LRRTM4: variants seen among roughly 807,000 people sequenced by gnomAD.
LRRTM4 encodes leucine-rich repeat transmembrane neuronal protein 4.
Under a neutral mutation model 47.6 loss-of-function variants are expected in LRRTM4, and 25 were observed. The ratio of observed to expected loss-of-function variants is 0.53; its 90% CI spans 0.38 to 0.73. The LOEUF (loss-of-function observed/expected upper bound fraction) is 0.73. Ranked by LOEUF, LRRTM4 falls within the 30% of genes least tolerant of loss-of-function variation. LRRTM4 has a pLI of 0.00. For missense variants in LRRTM4, 638 were observed against 713.4 expected (o/e 0.89, Z 1.20); for synonymous variants, 311 against 269.5 (o/e 1.15, Z -1.51).
intron 3 of LRRTM4, among the ~76,000 whole-genome samples, chr2:77,068,141 G>A (rs1429765517): frequency 6.6e-6 from 1 of 152,044 alleles, no homozygotes; most frequent in African/African-American, 2.4e-5. Context: ...GTTTATTTGT[G>A]TATAATCTAT....
At chr2:77,223,726 A>G (rs1246549342) in intron 3 of LRRTM4, among the ~76,000 whole-genome samples, 2 of 152,218 alleles carry the variant, frequency 1.3e-5, no homozygotes, top group Non-Finnish European at 2.9e-5. Flanking sequence ...AAACAAATGG[A>G]AGAACATTCC....
chr2:77,131,147 A>C (rs1281744945), intron 3 of LRRTM4, among the ~76,000 whole-genome samples: 1 of 151,886 alleles, frequency 6.6e-6, no homozygotes, highest in Non-Finnish European at 1.5e-5. Flanking sequence ...TTCTATTTTT[A>C]TTATTATTTT....
intron 3 of LRRTM4, among the ~76,000 whole-genome samples, chr2:77,296,969 C>T (rs1239427248): frequency 2.0e-5 from 3 of 152,220 alleles, no homozygotes; most frequent in Non-Finnish European, 2.9e-5. Context: ...AGGCTCAGCA[C>T]AGGGGAGCAG....
chr2:77,073,367 T>C (rs1033785494), intron 3 of LRRTM4, among the ~76,000 whole-genome samples: 1 of 151,968 alleles, frequency 6.6e-6, no homozygotes, highest in African/African-American at 2.4e-5. Flanking sequence ...TAGTGTAAAA[T>C]TTTGGTCTAT....
chr2:77,115,441 G>A (rs182469625), intron 3 of LRRTM4, among the ~76,000 whole-genome samples: 117 of 152,242 alleles, frequency 7.7e-4, no homozygotes, highest in African/African-American at 2.7e-3. Context: ...CTCAGCTTAC[G>A]AAGATAACAG....
intron 3 of LRRTM4, among the ~76,000 whole-genome samples, chr2:76,825,324 G>T (rs1671162727): frequency 6.6e-6 from 1 of 151,654 alleles, no homozygotes. Flanking sequence ...AGAGATAATG[G>T]CTGGTTGAAA....
chr2:76,779,320 G>A (rs1674214177), intron 3 of LRRTM4, among the ~76,000 whole-genome samples: 2 of 150,460 alleles, frequency 1.3e-5, no homozygotes, highest in Admixed American at 6.6e-5. Flanking sequence ...TATCCTTGTT[G>A]ACTTTCTGTC....
At chr2:77,521,958 G>A in intron 1 of LRRTM4, 140 bp from the exon 2 acceptor site, 1 of 610,788 alleles carries the variant, frequency 1.6e-6, no homozygotes, top group South Asian at 2.1e-5. Context: ...ATAGGGATGG[G>A]GGAGGGCCTC....
At chr2:77,495,362 C>A (rs1394638323) in intron 3 of LRRTM4, among the ~76,000 whole-genome samples, 1 of 151,948 alleles carries the variant, frequency 6.6e-6, no homozygotes, top group Non-Finnish European at 1.5e-5. Context: ...ATTTTTATTT[C>A]CTTCACAGTG....
At chr2:77,248,890 T>G (rs1208693624) in intron 3 of LRRTM4, among the ~76,000 whole-genome samples, 2 of 151,798 alleles carry the variant, frequency 1.3e-5, no homozygotes, top group Non-Finnish European at 1.5e-5. Flanking sequence ...TTACAAAAAT[T>G]TACTCAAAAT....
At chr2:76,859,669 T>C (rs1030098496) in intron 3 of LRRTM4, among the ~76,000 whole-genome samples, 3 of 152,170 alleles carry the variant, frequency 2.0e-5, no homozygotes, top group Non-Finnish European at 4.4e-5. Context: ...ATACTCCATG[T>C]ATTCTACCTT....
At chr2:77,028,026 C>T (rs2104126087) in intron 3 of LRRTM4, among the ~76,000 whole-genome samples, 2 of 151,414 alleles carry the variant, frequency 1.3e-5, no homozygotes, top group East Asian at 3.9e-4. Context: ...CTATGAAAAA[C>T]TCATGATTTT....
intron 3 of LRRTM4, among the ~76,000 whole-genome samples, chr2:76,850,603 C>T (rs891315735): frequency 1.3e-5 from 2 of 152,090 alleles, no homozygotes; most frequent in African/African-American, 4.8e-5. Context: ...ATGCATATGT[C>T]CCACAATCTG....
At position 76,968,497 on chromosome 2, in the gene LRRTM4, T is replaced by C. The variant is rs904615859; in HGVS notation, c.1552-219581A>G. On this transcript the variant is annotated intron_variant, in intron 3 of 3. Coordinates refer to ENST00000409884, the MANE Select transcript of LRRTM4 (RefSeq NM_001134745.3). ...GTATCTATCCATCTACCTATCTATTTGTATTCTCACATTGTATGTATATTG... is the reference window on the plus strand; with the variant it reads ...GTATCTATCCATCTACCTATCTATTCGTATTCTCACATTGTATGTATATTG... 2.0e-5 allele frequency among the ~76,000 whole-genome samples: 3 copies of C among 150,882 alleles called. No individual in the cohort carries two copies. The East Asian group carries it at 5.9e-4, about 30-fold the overall frequency.
intron 3 of LRRTM4, among the ~76,000 whole-genome samples, chr2:77,378,496 C>A (rs1672922846): frequency 6.6e-6 from 1 of 152,094 alleles, no homozygotes; most frequent in African/African-American, 2.4e-5. Flanking sequence ...ACTGAGAGCA[C>A]TGAAAACACA....
At chr2:77,040,754 G>T (rs1281371963) in intron 3 of LRRTM4, among the ~76,000 whole-genome samples, 1 of 151,430 alleles carries the variant, frequency 6.6e-6, no homozygotes, top group Non-Finnish European at 1.5e-5. Flanking sequence ...CTGGAGAAGA[G>T]AAACTGCTTT....
chr2:77,022,341 G>C (rs1397887588), intron 3 of LRRTM4, among the ~76,000 whole-genome samples: 1 of 152,068 alleles, frequency 6.6e-6, no homozygotes, highest in Non-Finnish European at 1.5e-5. Context: ...TGGGGACACA[G>C]AGCCAAACCA....
chr2:76,971,965 A>AT (rs1426862016), intron 3 of LRRTM4, among the ~76,000 whole-genome samples: 3 of 152,012 alleles, frequency 2.0e-5, no homozygotes, highest in African/African-American at 7.2e-5. Context: ...TGCACAGATC[A>AT]TGCTATTTCA....
intron 3 of LRRTM4, among the ~76,000 whole-genome samples, chr2:76,821,846 A>G (rs1302513849): frequency 6.6e-6 from 1 of 151,652 alleles, no homozygotes; most frequent in African/African-American, 2.4e-5. Flanking sequence ...ATGGAAGGCA[A>G]AGAGAAACTC....
Sources: gnomAD v4.1 joint callset for allele counts (sites outside exome capture counted in the v4.1 genomes callset) on GRCh38, gnomAD v4.1.1 for gene constraint, MANE v1.5 for transcripts, NCBI Gene and HGNC (gene_info 2026-07-23, HGNC 2026-07-21) for gene names.